Variants in EYS observed in about 807,000 individuals in gnomAD.
The protein encoded by EYS is EGF-like photoreceptor maintenance factor, also known as protein eyes shut homolog.
In EYS, 250 loss-of-function variants were observed where a neutral mutation model predicts 282.1. That is an observed-to-expected ratio of 0.89 (90% CI 0.80 to 0.98). EYS has a LOEUF of 0.98. EYS is among the 50% of genes least tolerant of loss of function. The probability of loss-of-function intolerance (pLI) is 0.00; values close to 1 mark genes in which losing one functional copy is unlikely to be tolerated. For synonymous variants in EYS, 1,355 were observed against 1,282.9 expected, an observed-to-expected ratio of 1.06 and a Z score of -1.20; for missense variants, 4,016 against 3,709.0, an observed-to-expected ratio of 1.08 and a Z score of -2.15.
intron 29 of EYS, among the ~76,000 whole-genome samples, chr6:64,321,090 G>A (rs1922973): frequency 6.6e-6 from 1 of 151,388 alleles, no homozygotes; most frequent in Middle Eastern, 3.2e-3. Flanking sequence ...TGTTCATATT[G>A]TTGTGTATTA....
At chr6:64,319,614 G>T (rs1486389954) in intron 29 of EYS, among the ~76,000 whole-genome samples, 1 of 151,664 alleles carries the variant, frequency 6.6e-6, no homozygotes, top group Non-Finnish European at 1.5e-5. Flanking sequence ...TTTTATGAGA[G>T]AAAAATTTCT....
At chr6:64,486,579 GCAGCAGGCATGCGGTC>G (rs1776584166) in intron 26 of EYS, among the ~76,000 whole-genome samples, 1 of 151,438 alleles carries the variant, frequency 6.6e-6, no homozygotes, top group Non-Finnish European at 1.5e-5. Flanking sequence ...CATTGGCAGA[GCAGCAGGCATGCGGTC>G]TGTATGTTAA....
rs1315159982 is a variant in EYS at position 64,591,480 on chromosome 6, T to TAGGC, written c.4386_4387insGCCT (p.Arg1463AlafsTer2). 6.4e-7 allele frequency: 1 copy of TAGGC among 1,551,330 alleles called. No homozygotes were observed. Among genetic ancestry groups the TAGGC allele is most frequent in the Admixed American group, 2.0e-5 (1 of 50,962 alleles). On this transcript the variant is annotated frameshift_variant, in exon 26 of 43. Coordinates refer to ENST00000503581, the MANE Select transcript of EYS (RefSeq NM_001142800.2). LOFTEE classifies it high-confidence loss of function. ...TCTTCAATATCCTCTTGAGCCCCCC[T>TAGGC]AGAGACAACTGGAGTTGCACTTATG...
At chr6:65,601,428 T>C (rs1765613063) in intron 2 of EYS, among the ~76,000 whole-genome samples, 1 of 151,808 alleles carries the variant, frequency 6.6e-6, no homozygotes, top group Admixed American at 6.6e-5. Context: ...CAATTATGCT[T>C]TTTTTTCCCC....
At chr6:64,377,325 T>C (rs1025370182) in intron 29 of EYS, among the ~76,000 whole-genome samples, 1 of 152,220 alleles carries the variant, frequency 6.6e-6, no homozygotes, top group African/African-American at 2.4e-5. Context: ...TTTAAAACTT[T>C]GTTTAAAACA....
chr6:64,286,714 G>T (rs1222256318), intron 30 of EYS, among the ~76,000 whole-genome samples: 3 of 152,016 alleles, frequency 2.0e-5, no homozygotes, highest in Admixed American at 2.0e-4. Context: ...AAGTGTAAAA[G>T]AAAAAGAAAA....
chr6:64,972,820 C>T lies in EYS; in HGVS notation c.2259+24762G>A, dbSNP rs1422550608. ...CCCCAACACCCACATTGTTCAAATG[C>T]AATTTAACATGTTACCTACCAATAA... On this transcript the variant is annotated intron_variant, in intron 14 of 42. Coordinates refer to ENST00000503581, the MANE Select transcript of EYS (RefSeq NM_001142800.2). Among the ~76,000 whole-genome samples the T allele has an allele frequency of 3.3e-5, 5 of 152,000 alleles. No homozygotes were observed. The East Asian group carries it at 5.8e-4, about 18-fold the overall frequency.
chr6:64,022,124 A>G (rs9344660), intron 33 of EYS, among the ~76,000 whole-genome samples: 48,161 of 152,122 alleles, frequency 0.32, 7,819 homozygotes, highest in Middle Eastern at 0.38. Flanking sequence ...CCAAATAAGC[A>G]CATTTGTGCT....
chr6:64,094,919 C>T (rs549198445), intron 31 of EYS, among the ~76,000 whole-genome samples: 4 of 151,924 alleles, frequency 2.6e-5, no homozygotes, highest in South Asian at 2.1e-4. Flanking sequence ...CTACACACTG[C>T]GTTGAATGTG....
At chr6:64,442,429 T>TC (rs1436845294) in intron 26 of EYS, among the ~76,000 whole-genome samples, 8 of 152,186 alleles carry the variant, frequency 5.3e-5, no homozygotes, top group Admixed American at 5.2e-4. Context: ...AATCCCATTT[T>TC]CTGAGGAGAA....
chr6:64,912,679 C>T lies in EYS; in HGVS notation c.2446G>A (p.Asp816Asn), dbSNP rs2150076898. 3 of 1,533,198 alleles carry T rather than the reference C, an allele frequency of 2.0e-6. No homozygotes were observed. The highest frequency in any genetic ancestry group is 2.0e-5 in the Admixed American group (1 of 49,770). The allele number at this position is 1,533,198 out of a possible 1,614,324, so 95.0% of individuals were successfully genotyped here. A position where few individuals can be genotyped will look rare whatever the true frequency, so the allele number is the denominator to read the frequency against. Reference protein sequence around the residue: ...CSEEINECDSDPCMNGGLCHE... With the variant: ...CSEEINECDSNPCMNGGLCHE... ...CAAAGACCTCCATTCATGCATGGAT[C>T]AGAGTCGCATTCATTTATTTCTTCA... The change falls in exon 16 of 43, where the codon GAT becomes AAT. Residue 816 changes from aspartate (D) to asparagine (N), a missense_variant. Physicochemically the swap from Asp to Asn is conservative, Grantham distance 23. Transcript: ENST00000503581.
intron 35 of EYS, among the ~76,000 whole-genome samples, chr6:63,960,519 G>T (rs1766013363): frequency 6.6e-6 from 1 of 152,180 alleles, no homozygotes; most frequent in South Asian, 2.1e-4. Flanking sequence ...CAAGTTCTGG[G>T]TTTCAATTAA....
chr6:64,408,859 G>A (rs781307657), intron 28 of EYS, among the ~76,000 whole-genome samples: 4 of 152,172 alleles, frequency 2.6e-5, no homozygotes, highest in African/African-American at 4.8e-5. Flanking sequence ...CAAATTGTAT[G>A]TTGCTGGGGT....
At chr6:63,982,000 CTTTA>C (rs1431467224) in intron 35 of EYS, among the ~76,000 whole-genome samples, 2 of 151,706 alleles carry the variant, frequency 1.3e-5, no homozygotes, top group African/African-American at 4.8e-5. Context: ...GGAAGATTAT[CTTTA>C]TTGTTATTTT....
At chr6:64,624,772 G>A (rs967630357) in intron 23 of EYS, among the ~76,000 whole-genome samples, 2 of 152,070 alleles carry the variant, frequency 1.3e-5, no homozygotes, top group Non-Finnish European at 2.9e-5. Flanking sequence ...TACTCTCATG[G>A]CTATTATTTC....
At chr6:65,159,219 C>T (rs1386696145) in intron 12 of EYS, among the ~76,000 whole-genome samples, 2 of 150,886 alleles carry the variant, frequency 1.3e-5, no homozygotes, top group South Asian at 2.1e-4. Context: ...TTATTGAGAT[C>T]CATTATAGAT....
intron 22 of EYS, among the ~76,000 whole-genome samples, chr6:64,770,154 C>T (rs896418679): frequency 6.6e-6 from 1 of 151,830 alleles, no homozygotes. Context: ...GGAAAGCCTA[C>T]CACTGAAGTT....
chr6:65,394,688 A>G (rs184798838), intron 7 of EYS, among the ~76,000 whole-genome samples: 1 of 152,136 alleles, frequency 6.6e-6, no homozygotes, highest in East Asian at 1.9e-4. Flanking sequence ...CAGATATCCC[A>G]GGAAGCCAGT....
At chr6:65,409,052 T>C (rs965753505) in intron 5 of EYS, among the ~76,000 whole-genome samples, 2 of 152,180 alleles carry the variant, frequency 1.3e-5, no homozygotes, top group Non-Finnish European at 2.9e-5. Flanking sequence ...TAATTAGTTT[T>C]GTGAGGGTTG....
Sources: allele counts gnomAD v4.1 joint callset (sites outside exome capture counted in the v4.1 genomes callset), GRCh38; gene constraint gnomAD v4.1.1; transcripts MANE v1.5; gene names NCBI Gene and HGNC (gene_info 2026-07-23, HGNC 2026-07-21).